NAV1: variants seen among roughly 807,000 people sequenced by gnomAD.
NAV1 encodes the protein neuron navigator 1.
Under a neutral mutation model 175.2 loss-of-function variants are expected in NAV1, and 18 were observed. The ratio of observed to expected loss-of-function variants is 0.10; its 90% CI spans 0.07 to 0.15. NAV1 has a LOEUF of 0.15. Among genes scored for constraint, NAV1 ranks in the 10% least tolerant of loss-of-function variants. The probability of loss-of-function intolerance (pLI) is 1.00; values close to 1 mark genes in which losing one functional copy is unlikely to be tolerated. For missense variants in NAV1, 1,731 were observed against 2,436.6 expected (o/e 0.71, Z 6.10); for synonymous variants, 897 against 978.7 (o/e 0.92, Z 1.56).
intron 1 of NAV1, among the ~76,000 whole-genome samples, chr1:201,701,009 CAAAAAAAAAAAA>C (rs386369321): frequency 7.6e-5 from 4 of 52,752 alleles, no homozygotes; most frequent in South Asian, 1.4e-3. Context: ...GACTCTGTCT[CAAAAAAAAAAAA>C]AAAAAAAAAA....
At chr1:201,809,125 G>A in intron 20 of NAV1, 39 bp from the exon 25 acceptor site, 1 of 1,580,050 alleles carries the variant, frequency 6.3e-7, no homozygotes, top group African/African-American at 1.3e-5. Context: ...AAGGCTGCGG[G>A]TACTCCTAAA....
At chr1:201,730,794 T>C (rs1278736533) in intron 3 of NAV1, among the ~76,000 whole-genome samples, 3 of 152,226 alleles carry the variant, frequency 2.0e-5, no homozygotes. Flanking sequence ...GCTCAAAGGC[T>C]GAGCTGTCCC....
chr1:201,579,225 C>T lies in NAV1; in HGVS notation c.-143-9314C>T, dbSNP rs1464123730. 2.6e-5 allele frequency among the ~76,000 whole-genome samples: 4 copies of T among 152,132 alleles called. 1 individual carries two copies. Among genetic ancestry groups the T allele is most frequent in the Non-Finnish European group, 5.9e-5 (4 of 68,020 alleles). On this transcript the variant is annotated intron_variant, in intron 1 of 33. Transcript: ENST00000685211. Reference sequence around the variant, plus strand: ...CTTTTGTTGAGGCTTCTTTTGTTTGCACCCATTGGCATTTCTGGGTTGATG... The same window carrying T: ...CTTTTGTTGAGGCTTCTTTTGTTTGTACCCATTGGCATTTCTGGGTTGATG...
At chr1:201,763,313 C>T (rs1225171222) in intron 3 of NAV1, among the ~76,000 whole-genome samples, 1 of 152,230 alleles carries the variant, frequency 6.6e-6, no homozygotes, top group Admixed American at 6.5e-5. Flanking sequence ...ATACTCAGTA[C>T]TCCAGAGCTT....
intron 3 of NAV1, among the ~76,000 whole-genome samples, chr1:201,743,819 G>A (rs1673586805): frequency 6.6e-6 from 1 of 152,098 alleles, no homozygotes; most frequent in African/African-American, 2.4e-5. Flanking sequence ...TAATGAGGAT[G>A]GCATATTTAT....
intron 1 of NAV1, among the ~76,000 whole-genome samples, chr1:201,541,039 G>A (rs1375603663): frequency 6.6e-6 from 1 of 152,228 alleles, no homozygotes; most frequent in Non-Finnish European, 1.5e-5. Context: ...CCCCTGATCT[G>A]AACTTCTTCA....
At chr1:201,601,626 A>G (rs1667515014) in intron 2 of NAV1, among the ~76,000 whole-genome samples, 1 of 152,164 alleles carries the variant, frequency 6.6e-6, no homozygotes, top group Non-Finnish European at 1.5e-5. Context: ...ACTCTTTCCA[A>G]CGTGTGAGGA....
In NAV1 at chr1:201,694,871, C is replaced by T. The variant is rs556395556; in HGVS notation, c.758-17946C>T. On this transcript the variant is annotated intron_variant, in intron 1 of 29. Transcript: ENST00000367296. This position sits in a 1 kb window ranked among gnomAD's most constrained non-coding sequence, Gnocchi z 4.2. ...CTTATCAGTCTCTTCAGCTGCCAAA[C>T]GAACCAAGAAGCTGCCTCACAGGAT... 3.9e-5 allele frequency among the ~76,000 whole-genome samples: 6 copies of T among 152,302 alleles called. No individual in the cohort carries two copies. In the South Asian group the frequency reaches 1.0e-3, roughly 26 times the overall value.
chr1:201,691,519 A>C (rs1021261056), intron 1 of NAV1, among the ~76,000 whole-genome samples: 1 of 152,252 alleles, frequency 6.6e-6, no homozygotes, highest in African/African-American at 2.4e-5. Flanking sequence ...ATGAATGAGG[A>C]AGGGTTGAAC....
chr1:201,722,217 C>T (rs1672415729), intron 3 of NAV1, among the ~76,000 whole-genome samples: 1 of 152,204 alleles, frequency 6.6e-6, no homozygotes, highest in Non-Finnish European at 1.5e-5. Context: ...ATTCTGTCTT[C>T]TCCCCAAAGA....
At chr1:201,811,522 G>C (rs1454658004) in intron 24 of NAV1, 81 bp from the exon 29 acceptor site, 5 of 1,553,388 alleles carry the variant, frequency 3.2e-6, no homozygotes, top group Non-Finnish European at 4.4e-6. Context: ...GATCTAGTAA[G>C]ACTTCTTCAA....
intron 1 of NAV1, among the ~76,000 whole-genome samples, chr1:201,566,278 A>G (rs1666354329): frequency 6.6e-6 from 1 of 151,918 alleles, no homozygotes; most frequent in South Asian, 2.1e-4. Flanking sequence ...GCCACACCCC[A>G]GCTCACTTTG....
chr1:201,703,117 T>C (rs1671511075), intron 1 of NAV1, among the ~76,000 whole-genome samples: 1 of 152,224 alleles, frequency 6.6e-6, no homozygotes, highest in African/African-American at 2.4e-5. Flanking sequence ...CTCTGCTGTG[T>C]AAACTGTTGC....
At chr1:201,580,117 G>A (rs1047464770) in intron 1 of NAV1, among the ~76,000 whole-genome samples, 1 of 152,210 alleles carries the variant, frequency 6.6e-6, no homozygotes, top group Non-Finnish European at 1.5e-5. Flanking sequence ...AGGAGAGAGA[G>A]AGCAAATTCA....
At chr1:201,699,198 C>T (rs1298542308) in intron 1 of NAV1, among the ~76,000 whole-genome samples, 1 of 152,224 alleles carries the variant, frequency 6.6e-6, no homozygotes, top group Non-Finnish European at 1.5e-5. Context: ...ACCCCATCAT[C>T]TCAGCCCAAA....
At chr1:201,748,015 G>C (rs1160451589) in intron 3 of NAV1, among the ~76,000 whole-genome samples, 1 of 152,238 alleles carries the variant, frequency 6.6e-6, no homozygotes, top group Non-Finnish European at 1.5e-5. Context: ...TTCTAGGCTA[G>C]TGTTGAGCTG....
intron 1 of NAV1, among the ~76,000 whole-genome samples, chr1:201,574,848 C>T (rs1193863143): frequency 6.6e-6 from 1 of 152,200 alleles, no homozygotes; most frequent in African/African-American, 2.4e-5. Flanking sequence ...AGGAGAGCTG[C>T]GGGGCTTGTT....
At chr1:201,663,346 T>C (rs1255415499) in intron 1 of NAV1, among the ~76,000 whole-genome samples, 1 of 152,082 alleles carries the variant, frequency 6.6e-6, no homozygotes, top group African/African-American at 2.4e-5. Context: ...TAGCACCTTA[T>C]GTTCGAGCCC....
rs939980980 is a variant in NAV1 at position 201,812,203 on chromosome 1, C to A, written c.5024+229C>A. Among the ~76,000 whole-genome samples, 10 of 152,186 alleles carry A rather than the reference C, an allele frequency of 6.6e-5. No individual in the cohort carries two copies. In the East Asian group the frequency reaches 1.9e-3, roughly 29 times the overall value. On this transcript the variant is annotated intron_variant, in intron 26 of 29. Coordinates refer to ENST00000367296, the Ensembl canonical transcript of NAV1. The surrounding 1 kb of genome is among the most constrained non-coding windows in gnomAD (Gnocchi z 4.6). ...AGAGAGCCAGGTAGGTTGCTCTAAGCAGAATTAGGATTCTCTGCCCGCACA... is the reference window on the plus strand; with the variant it reads ...AGAGAGCCAGGTAGGTTGCTCTAAGAAGAATTAGGATTCTCTGCCCGCACA...
Sources: allele counts gnomAD v4.1 joint callset (sites outside exome capture counted in the v4.1 genomes callset), GRCh38; gene constraint gnomAD v4.1.1; non-coding constraint Gnocchi (gnomAD v3.1); transcripts MANE v1.5; gene names NCBI Gene and HGNC (gene_info 2026-07-23, HGNC 2026-07-21).